Variants in ZNF428 observed in about 807,000 individuals in gnomAD.
ZNF428 encodes enzyme-like protein PIT13.
In ZNF428, 5 loss-of-function variants were observed where a neutral mutation model predicts 15.6. The observed-to-expected ratio is 0.32, with a 90% confidence interval of 0.17 to 0.67. The LOEUF (loss-of-function observed/expected upper bound fraction) is 0.67. Ranked by LOEUF, ZNF428 falls within the 30% of genes least tolerant of loss-of-function variation. ZNF428 has a pLI of 0.73. For synonymous variants in ZNF428, 97 were observed against 102.2 expected (o/e 0.95, Z 0.31); for missense variants, 237 against 256.0 (o/e 0.93, Z 0.51).
intron 2 of ZNF428, 65 bp downstream of exon 2, chr19:43,614,164 T>G (rs1973347081): frequency 1.2e-6 from 2 of 1,613,872 alleles, no homozygotes; most frequent in African/African-American, 2.7e-5. Flanking sequence ...CATTTCCCAG[T>G]GGGGGCCAAA....
At chr19:43,615,607 G>A (rs569419250) in intron 1 of ZNF428, among the ~76,000 whole-genome samples, 2 of 152,074 alleles carry the variant, frequency 1.3e-5, no homozygotes, top group African/African-American at 2.4e-5. Context: ...CTGAGAGGCT[G>A]AGGCAGGAGG....
intron 2 of ZNF428, chr19:43,613,263 G>A (rs1190364361): frequency 1.3e-6 from 2 of 1,551,640 alleles, no homozygotes. Context: ...AGGGGATCTA[G>A]CAGCCCCAGG....
At chr19:43,614,616 T>G in intron 1 of ZNF428, 182 bp from the exon 2 acceptor site, 2 of 319,338 alleles carry the variant, frequency 6.3e-6, no homozygotes, top group Non-Finnish European at 1.1e-5. Context: ...TTTTTTTTTT[T>G]GAGACAGAGT....
At chr19:43,611,743 G>A (rs544990672) in intron 2 of ZNF428, among the ~76,000 whole-genome samples, 7 of 152,174 alleles carry the variant, frequency 4.6e-5, no homozygotes, top group Non-Finnish European at 5.9e-5. Flanking sequence ...TGGGCTCCCC[G>A]GCCCCTGCAC....
At chr19:43,615,033 G>A (rs989785646) in intron 1 of ZNF428, among the ~76,000 whole-genome samples, 1 of 152,156 alleles carries the variant, frequency 6.6e-6, no homozygotes, top group Admixed American at 6.5e-5. Flanking sequence ...ACTGAGAGTG[G>A]AGCGGGACGG....
Position 43,614,428 on chromosome 19 carries a change from A to G in ZNF428, c.-124T>C, listed in dbSNP as rs1973351255. ...TAATACAGGATGTTGGCAGGTAGAG[A>G]GGGATGCTGGATAGGGGGAAAGGAA... On this transcript the variant is annotated 5_prime_UTR_variant, in exon 2 of 3. Coordinates refer to ENST00000300811, the MANE Select transcript of ZNF428 (RefSeq NM_182498.4). 2 of 1,458,152 alleles carry G rather than the reference A, an allele frequency of 1.4e-6. No homozygotes were observed. Among genetic ancestry groups the G allele is most frequent in the South Asian group, 1.4e-5 (1 of 68,994 alleles). The allele number at this position is 1,458,152 out of a possible 1,614,324, so 90.3% of individuals were successfully genotyped here.
intron 1 of ZNF428, 118 bp from the exon 2 acceptor site, chr19:43,614,552 T>C: frequency 1.1e-6 from 1 of 882,772 alleles, no homozygotes; most frequent in Non-Finnish European, 1.6e-6. Flanking sequence ...ACCCCAGCTC[T>C]GTCCCTGACT....
Position 43,612,740 on chromosome 19 carries a change from AGTTCCGAGCTGGCT to A in ZNF428, c.76+1475_76+1488del. 8 of 1,551,646 alleles carry A rather than the reference AGTTCCGAGCTGGCT, an allele frequency of 5.2e-6. No homozygotes were observed. Among genetic ancestry groups the A allele is most frequent in the Non-Finnish European group, 7.0e-6 (8 of 1,146,990 alleles). Reference sequence around the variant, plus strand: ...ACCAGGAGGCTCAGGTATAGGGAGGAGTTCCGAGCTGGCTGTAACTCCCAGTACAGCCAAGTGTC... The same window carrying A: ...ACCAGGAGGCTCAGGTATAGGGAGGAGTAACTCCCAGTACAGCCAAGTGTC... On this transcript the variant is annotated intron_variant, in intron 2 of 2. Transcript: ENST00000300811. This position sits in a 1 kb window ranked among gnomAD's most constrained non-coding sequence, Gnocchi z 4.2.
rs1973255893 is a variant in ZNF428 at position 43,607,859 on chromosome 19, G to A, written c.325C>T (p.Pro109Ser). Residue 109 changes from proline to serine, a missense_variant, in exon 3 of 3, where the codon CCA becomes TCA. By Grantham distance (74) the Pro-to-Ser change is moderately conservative. Transcript: ENST00000300811. The surrounding 1 kb of genome is among the most constrained non-coding windows in gnomAD (Gnocchi z 5.1). ...GCAGGGCAGCAGAGCCGGCAGGGTG[G>A]GGTTCCCGGTGGGGCCTCCCCAAGG... ...SPLGEAPPGT[P>S]PCRLCCPATA... 1.3e-6 allele frequency: 2 copies of A among 1,556,128 alleles called. No individual in the cohort carries two copies. The highest frequency in any genetic ancestry group is 1.4e-5 in the African/African-American group (1 of 73,478).
intron 1 of ZNF428, among the ~76,000 whole-genome samples, chr19:43,615,397 T>C (rs1973362124): frequency 6.6e-6 from 1 of 151,906 alleles, no homozygotes; most frequent in Non-Finnish European, 1.5e-5. Context: ...ACACCCGACT[T>C]TTTTAAAAAA....
At chr19:43,613,167 G>A in intron 2 of ZNF428, 1 of 1,551,672 alleles carries the variant, frequency 6.4e-7, no homozygotes, top group Non-Finnish European at 8.7e-7. Context: ...ACCCCCAGAA[G>A]AGGAAGAAGT....
In ZNF428 at chr19:43,614,038, C is replaced by T. The variant is rs370218166; in HGVS notation, c.76+191G>A. The T allele has an allele frequency of 5.1e-5, 79 of 1,551,964 alleles. No homozygotes were observed. The African/African-American group carries it at 6.3e-4, about 12-fold the overall frequency. Reference sequence around the variant, plus strand: ...AATCTAGAACCTCTAGCAAGGAGAGCGACCCCAGTCAATCTACAGTCCCCA... The same window carrying T: ...AATCTAGAACCTCTAGCAAGGAGAGTGACCCCAGTCAATCTACAGTCCCCA... On this transcript the variant is annotated intron_variant, in intron 2 of 2. Coordinates refer to ENST00000300811, the MANE Select transcript of ZNF428 (RefSeq NM_182498.4).
At position 43,614,225 on chromosome 19, in the gene ZNF428, T is replaced by G. The variant is rs200161473; in HGVS notation, c.76+4A>C. 2.5e-6 allele frequency: 4 copies of G among 1,614,184 alleles called. No individual in the cohort carries two copies. The East Asian group carries it at 8.9e-5, about 36-fold the overall frequency. ...CGACGCCACCACCTCTAAGGCCACC[T>G]TACCTGGGGAAAGGTCTTCATCATC... On this transcript the variant is annotated splice_donor_region_variant and intron_variant, in intron 2 of 2. Transcript: ENST00000300811.
intron 1 of ZNF428, among the ~76,000 whole-genome samples, chr19:43,618,262 TG>T (rs1973393265): frequency 6.9e-6 from 1 of 144,060 alleles, no homozygotes; most frequent in Non-Finnish European, 1.5e-5. Context: ...CTCGATCTCC[TG>T]ACCTCGTGAT....
chr19:43,608,236 C>G, intron 2 of ZNF428, 129 bp from the exon 3 acceptor site: 3 of 1,246,340 alleles, frequency 2.4e-6, no homozygotes, highest in Non-Finnish European at 3.3e-6. Context: ...CACTACCCTT[C>G]CCTTCCCCAC....
At chr19:43,617,719 T>C (rs1261195193) in intron 1 of ZNF428, among the ~76,000 whole-genome samples, 1 of 152,250 alleles carries the variant, frequency 6.6e-6, no homozygotes, top group Non-Finnish European at 1.5e-5. Context: ...TTTGGGTTTT[T>C]GTTGCGGAGA....
chr19:43,616,339 T>C lies in ZNF428; in HGVS notation c.-130-1905A>G, dbSNP rs563991387. 6.6e-5 allele frequency among the ~76,000 whole-genome samples: 10 copies of C among 152,300 alleles called. No homozygotes were observed. The South Asian group carries it at 1.2e-3, about 19-fold the overall frequency. ...CTTAGTTCTGTATCAATTGGCAAGATAGTGTCTAGGTTTGCCACACTCTAG... is the reference window on the plus strand; with the variant it reads ...CTTAGTTCTGTATCAATTGGCAAGACAGTGTCTAGGTTTGCCACACTCTAG... On this transcript the variant is annotated intron_variant, in intron 1 of 2. Coordinates refer to ENST00000300811, the MANE Select transcript of ZNF428 (RefSeq NM_182498.4).
Position 43,607,808 on chromosome 19 carries a change from G to A in ZNF428, c.376C>T (p.Pro126Ser). The stretch of plus-strand genomic sequence containing the variant: ...TCCTCCCCGAGGGCCCTGCCTTCAG[G>A]GGCTGGTGCTTCCTGGGGGGCTGTA... ...PATAPQEAPA[P>S]EGRALGEEEE... Residue 126 changes from proline (P) to serine (S), a missense_variant, in exon 3 of 3, where the codon CCT becomes TCT. Physicochemically the swap from Pro to Ser is moderately conservative, Grantham distance 74. Transcript: ENST00000300811. The surrounding 1 kb of genome is among the most constrained non-coding windows in gnomAD (Gnocchi z 5.1). 6.3e-7 allele frequency: 1 copy of A among 1,575,658 alleles called. No individual in the cohort carries two copies. The highest frequency in any genetic ancestry group is 8.6e-7 in the Non-Finnish European group (1 of 1,160,682).
At chr19:43,619,114 AC>A (rs796260551) in intron 1 of ZNF428, among the ~76,000 whole-genome samples, 68 of 152,272 alleles carry the variant, frequency 4.5e-4, no homozygotes, top group African/African-American at 1.5e-3. Context: ...GAGCAAAGAG[AC>A]CAGGGCAAAA....
Sources: allele counts gnomAD v4.1 joint callset (sites outside exome capture counted in the v4.1 genomes callset), GRCh38; gene constraint gnomAD v4.1.1; non-coding constraint Gnocchi (gnomAD v3.1); transcripts MANE v1.5; gene names NCBI Gene and HGNC (gene_info 2026-07-23, HGNC 2026-07-21).